The following ANK2 variants were observed in gnomAD, a reference collection of about 807,000 sequenced individuals.
ANK2 encodes ankyrin-2.
ANK2 carries 83 observed loss-of-function variants against 360.5 expected under a neutral mutation model. The ratio of observed to expected loss-of-function variants is 0.23; its 90% CI spans 0.19 to 0.28. The LOEUF is 0.28. ANK2 is among the 10% of genes least tolerant of loss of function. The pLI is 1.00. For missense variants in ANK2, 4,201 were observed against 4,795.7 expected (o/e 0.88, Z 3.66); for synonymous variants, 1,740 against 1,759.5 (o/e 0.99, Z 0.28).
At position 113,120,115 on chromosome 4, in the gene ANK2, A is replaced by G. The variant is rs186689947; in HGVS notation, c.85-54301A>G. Among the ~76,000 whole-genome samples the G allele has an allele frequency of 2.7e-4, 41 of 152,248 alleles. No homozygotes were observed. The East Asian group carries it at 7.9e-3, about 29-fold the overall frequency. On this transcript the variant is annotated intron_variant, in intron 1 of 45. Transcript: ENST00000357077. ...GATTTCTTTGGGCTATACTCTGGTT[A>G]GCTAATATTTAAATATGGTATAGTA...
intron 1 of ANK2, among the ~76,000 whole-genome samples, chr4:112,898,525 A>G (rs1005840781): frequency 6.6e-6 from 1 of 152,186 alleles, no homozygotes; most frequent in African/African-American, 2.4e-5. Flanking sequence ...CAAGAGTAGC[A>G]CTGTGAACAT....
intron 1 of ANK2, among the ~76,000 whole-genome samples, chr4:112,820,032 T>A (rs1221983458): frequency 6.6e-6 from 1 of 152,234 alleles, no homozygotes; most frequent in East Asian, 1.9e-4. Context: ...GAGGCCTGAT[T>A]TCTCTGCAGA....
chr4:113,121,721 TA>T lies in ANK2; in HGVS notation c.85-52687del, dbSNP rs912036724. 6.7e-4 allele frequency among the ~76,000 whole-genome samples: 102 copies of T among 152,106 alleles called. 1 individual carries two copies. The highest frequency in any genetic ancestry group is 2.2e-3 in the African/African-American group (93 of 41,536). Reference sequence around the variant, plus strand: ...TTTTGCATGGGATTAAGTAGAAAATTAAAAAAAAGCCTCCTTTTGAGTTGTT... The same window carrying T: ...TTTTGCATGGGATTAAGTAGAAAATTAAAAAAAGCCTCCTTTTGAGTTGTT... On this transcript the variant is annotated intron_variant, in intron 1 of 45. Coordinates refer to ENST00000357077, the MANE Select transcript of ANK2 (RefSeq NM_001148.6).
chr4:112,826,009 G>T (rs1437375736), intron 1 of ANK2, among the ~76,000 whole-genome samples: 1 of 152,186 alleles, frequency 6.6e-6, no homozygotes, highest in African/African-American at 2.4e-5. Flanking sequence ...CAGGGGAGAA[G>T]GTCAACGAGT....
chr4:113,105,589 A>G (rs1007901872), intron 1 of ANK2, among the ~76,000 whole-genome samples: 1 of 152,238 alleles, frequency 6.6e-6, no homozygotes, highest in Non-Finnish European at 1.5e-5. Context: ...GCTGTCAAAC[A>G]CACATTAAAT....
chr4:113,315,712 C>A (rs974649796), intron 24 of ANK2, among the ~76,000 whole-genome samples: 3 of 152,006 alleles, frequency 2.0e-5, no homozygotes, highest in South Asian at 2.1e-4. Context: ...TCCTGGCTAA[C>A]ACGGTGAAAC....
At chr4:112,872,672 T>C (rs753068106) in intron 1 of ANK2, among the ~76,000 whole-genome samples, 3 of 152,346 alleles carry the variant, frequency 2.0e-5, no homozygotes, top group South Asian at 4.1e-4. Context: ...TCTTTAGTTT[T>C]ATTTTCTTGT....
At chr4:113,140,930 G>A (rs1253260761) in intron 1 of ANK2, among the ~76,000 whole-genome samples, 83 of 151,822 alleles carry the variant, frequency 5.5e-4, no homozygotes, top group Non-Finnish European at 2.8e-4. Context: ...ATGAGCCAAG[G>A]TTGCGCCATT....
the ANK2 span, among the ~76,000 whole-genome samples, chr4:112,707,155 G>GAA: frequency 6.6e-6 from 1 of 152,174 alleles, no homozygotes; most frequent in Non-Finnish European, 1.5e-5. Context: ...ATTGGTTGAT[G>GAA]AATACTATCT....
the ANK2 span, among the ~76,000 whole-genome samples, chr4:112,746,251 A>G: frequency 3.9e-5 from 6 of 152,208 alleles, no homozygotes; most frequent in African/African-American, 1.4e-4. Context: ...TTCTAAATAT[A>G]TTTAAAGAGA....
the ANK2 span, among the ~76,000 whole-genome samples, chr4:112,725,153 G>A: frequency 1.3e-5 from 2 of 151,076 alleles, no homozygotes; most frequent in Non-Finnish European, 3.0e-5. Flanking sequence ...ATGGTGGCGG[G>A]CGCCTGTAGT....
At chr4:112,780,042 G>A in the ANK2 span, among the ~76,000 whole-genome samples, 1 of 152,084 alleles carries the variant, frequency 6.6e-6, no homozygotes, top group East Asian at 1.9e-4. Context: ...GGGAAACATG[G>A]TGAAACCCTG....
chr4:112,814,030 A>G (rs1270746617), upstream of ANK2, among the ~76,000 whole-genome samples: 2 of 152,202 alleles, frequency 1.3e-5, no homozygotes, highest in Admixed American at 1.3e-4. Flanking sequence ...TTTAGCTTGC[A>G]TAAAGGAAAC....
chr4:112,963,884 G>A (rs900475733), intron 2 of ANK2, among the ~76,000 whole-genome samples: 3 of 151,418 alleles, frequency 2.0e-5, no homozygotes, highest in Middle Eastern at 3.4e-3. Context: ...TATTATTTAC[G>A]GTAGCCAACT....
upstream of ANK2, among the ~76,000 whole-genome samples, chr4:112,815,069 G>T (rs976495017): frequency 6.6e-6 from 1 of 150,708 alleles, no homozygotes; most frequent in Non-Finnish European, 1.5e-5. Flanking sequence ...TAGAGATGGG[G>T]TTTCACCATG....
At chr4:113,064,797 C>T (rs1274693882) in intron 1 of ANK2, among the ~76,000 whole-genome samples, 8 of 92,092 alleles carry the variant, frequency 8.7e-5, no homozygotes, top group African/African-American at 3.3e-4. Context: ...TTAGAAAGTT[C>T]TGTAGAACTT....
chr4:112,712,520 G>T, the ANK2 span, among the ~76,000 whole-genome samples: 2 of 146,180 alleles, frequency 1.4e-5, no homozygotes, highest in Non-Finnish European at 3.0e-5. Context: ...CCATTCCCCT[G>T]CCTCAGCCTC....
chr4:112,989,969 T>TA (rs2046207407), intron 2 of ANK2, among the ~76,000 whole-genome samples: 1 of 152,162 alleles, frequency 6.6e-6, no homozygotes, highest in Non-Finnish European at 1.5e-5. Context: ...AATAATTTTT[T>TA]AAAAAATAAT....
At chr4:113,199,193 G>A in intron 4 of ANK2, 84 bp downstream of exon 4, 1 of 1,058,412 alleles carries the variant, frequency 9.4e-7, no homozygotes, top group South Asian at 1.4e-5. Context: ...TTAGCTAGCT[G>A]TTCTACTGAT....
Sources: allele counts gnomAD v4.1 joint callset (sites outside exome capture counted in the v4.1 genomes callset), GRCh38; gene constraint gnomAD v4.1.1; transcripts MANE v1.5; gene names NCBI Gene and HGNC (gene_info 2026-07-23, HGNC 2026-07-21).